GPHN: variants seen among roughly 807,000 people sequenced by gnomAD.
GPHN encodes gephyrin.
GPHN carries 17 observed loss-of-function variants against 95.5 expected under a neutral mutation model. The ratio of observed to expected loss-of-function variants is 0.18; its 90% CI spans 0.12 to 0.27. The LOEUF (loss-of-function observed/expected upper bound fraction) is 0.27. Ranked by LOEUF, GPHN falls within the 10% of genes least tolerant of loss-of-function variation. The probability of loss-of-function intolerance (pLI) is 1.00; values close to 1 mark genes in which losing one functional copy is unlikely to be tolerated. For missense variants in GPHN, 660 were observed against 978.1 expected, an observed-to-expected ratio of 0.67 and a Z score of 4.34; for synonymous variants, 320 against 322.5, an observed-to-expected ratio of 0.99 and a Z score of 0.08.
intron 2 of GPHN, among the ~76,000 whole-genome samples, chr14:66,755,258 TA>T (rs1481188225): frequency 6.6e-6 from 1 of 152,144 alleles, no homozygotes; most frequent in Non-Finnish European, 1.5e-5. Context: ...ATGTATTTAT[TA>T]GCTTGACTTT....
At chr14:67,109,611 G>A (rs1416010855) in intron 13 of GPHN, among the ~76,000 whole-genome samples, 1 of 152,152 alleles carries the variant, frequency 6.6e-6, no homozygotes, top group Non-Finnish European at 1.5e-5. Flanking sequence ...ATTGATAGGT[G>A]AGCTAATGTG....
the GPHN span, chr14:67,555,840 C>G: frequency 1.2e-6 from 2 of 1,613,374 alleles, no homozygotes; most frequent in Non-Finnish European, 1.7e-6. Context: ...GGAGCTGGAG[C>G]AGAGGCTGCT....
chr14:67,247,403 GCTTT>G, the GPHN span, among the ~76,000 whole-genome samples: 1 of 152,066 alleles, frequency 6.6e-6, no homozygotes, highest in Non-Finnish European at 1.5e-5. Context: ...AGCTCTAGGA[GCTTT>G]TTTATTTTAG....
At chr14:67,213,931 T>C in the GPHN span, among the ~76,000 whole-genome samples, 2 of 152,238 alleles carry the variant, frequency 1.3e-5, no homozygotes, top group Admixed American at 1.3e-4. Context: ...GTGAGCATTT[T>C]TTCATGTGTT....
chr14:67,566,062 T>C, the GPHN span, among the ~76,000 whole-genome samples: 3 of 152,202 alleles, frequency 2.0e-5, no homozygotes, highest in African/African-American at 7.2e-5. Flanking sequence ...AAGGTTGCAG[T>C]GAGCTGAGAT....
intron 16 of GPHN, among the ~76,000 whole-genome samples, chr14:67,117,869 G>C (rs1248893450): frequency 6.6e-6 from 1 of 152,072 alleles, no homozygotes; most frequent in Non-Finnish European, 1.5e-5. Context: ...ATCTGCCCAA[G>C]CAAAAAGGCA....
intron 2 of GPHN, among the ~76,000 whole-genome samples, chr14:66,683,930 C>T (rs1292084072): frequency 8.6e-5 from 13 of 150,912 alleles, no homozygotes; most frequent in Middle Eastern, 3.4e-3. Flanking sequence ...GAGCAGAGAT[C>T]GCCCCACCAC....
intron 1 of GPHN, among the ~76,000 whole-genome samples, chr14:66,647,688 T>C (rs1048520006): frequency 2.0e-5 from 3 of 152,104 alleles, no homozygotes; most frequent in African/African-American, 7.2e-5. Flanking sequence ...ATGTGTTCTC[T>C]GTCACCCTCT....
chr14:67,547,338 G>A, the GPHN span, among the ~76,000 whole-genome samples: 7 of 152,218 alleles, frequency 4.6e-5, no homozygotes, highest in Non-Finnish European at 2.9e-5. Context: ...GTCAATGTCA[G>A]GATTGTGTCT....
the GPHN span, chr14:67,292,475 C>A: frequency 7.3e-7 from 1 of 1,378,318 alleles, no homozygotes; most frequent in African/African-American, 1.4e-5. Flanking sequence ...AATACTGAAA[C>A]AGTTAATTTT....
At chr14:67,499,001 T>TTATG in the GPHN span, among the ~76,000 whole-genome samples, 1 of 151,510 alleles carries the variant, frequency 6.6e-6, no homozygotes, top group Non-Finnish European at 1.5e-5. Context: ...ATTTATTTAT[T>TTATG]TATTAGTTAT....
intron 2 of GPHN, among the ~76,000 whole-genome samples, chr14:66,728,663 T>A (rs535540535): frequency 1.2e-4 from 18 of 152,362 alleles, no homozygotes; most frequent in African/African-American, 4.3e-4. Context: ...CTCCCATTTG[T>A]AAGGGCTGTA....
At chr14:66,848,367 A>G (rs1163843577) in intron 4 of GPHN, among the ~76,000 whole-genome samples, 1 of 151,960 alleles carries the variant, frequency 6.6e-6, no homozygotes, top group Non-Finnish European at 1.5e-5. Flanking sequence ...AAGTTAAATT[A>G]TTTTCTCATC....
At chr14:67,680,837 T>G in the GPHN span, among the ~76,000 whole-genome samples, 1 of 152,192 alleles carries the variant, frequency 6.6e-6, no homozygotes, top group Non-Finnish European at 1.5e-5. Context: ...TTGCTAAGAA[T>G]TAGTATAGGT....
intron 4 of GPHN, among the ~76,000 whole-genome samples, chr14:66,859,259 G>T (rs1277349309): frequency 6.6e-6 from 1 of 152,146 alleles, no homozygotes; most frequent in Non-Finnish European, 1.5e-5. Context: ...ACTGGTGATG[G>T]CCACTGGTGT....
chr14:67,565,359 C>A, the GPHN span, among the ~76,000 whole-genome samples: 1 of 152,098 alleles, frequency 6.6e-6, no homozygotes, highest in African/African-American at 2.4e-5. Context: ...TCTTTCCACC[C>A]CAGCCTTCTG....
At chr14:67,109,119 T>C (rs1403813658) in intron 13 of GPHN, among the ~76,000 whole-genome samples, 1 of 152,202 alleles carries the variant, frequency 6.6e-6, no homozygotes, top group Non-Finnish European at 1.5e-5. Context: ...TATAATGGTA[T>C]TTGTTTATCA....
At chr14:66,565,870 T>C (rs144604724) in intron 1 of GPHN, among the ~76,000 whole-genome samples, 79 of 152,238 alleles carry the variant, frequency 5.2e-4, no homozygotes, top group African/African-American at 1.6e-3. Flanking sequence ...AATAGGTAAG[T>C]ATGTACTGGA....
At chr14:67,312,554 G>T in the GPHN span, 1 of 1,594,890 alleles carries the variant, frequency 6.3e-7, no homozygotes, top group Non-Finnish European at 8.5e-7. Context: ...TTTTGACTAT[G>T]ACCCCTCAGA....
Sources: gnomAD v4.1 joint callset for allele counts (sites outside exome capture counted in the v4.1 genomes callset) on GRCh38, gnomAD v4.1.1 for gene constraint, MANE v1.5 for transcripts, NCBI Gene and HGNC (gene_info 2026-07-23, HGNC 2026-07-21) for gene names.